Variants in RTN3 observed in about 807,000 individuals in gnomAD.
RTN3 encodes the protein reticulon 3, also known as reticulon-3.
Under a neutral mutation model 77.8 loss-of-function variants are expected in RTN3, and 49 were observed. That is an observed-to-expected ratio of 0.63 (90% confidence interval 0.50 to 0.80). The LOEUF (loss-of-function observed/expected upper bound fraction) is 0.80. Ranked by LOEUF, RTN3 falls within the 30% of genes least tolerant of loss-of-function variation. The pLI, the probability that RTN3 is intolerant of heterozygous loss-of-function variation, is 0.00. For synonymous variants in RTN3, 464 were observed against 446.9 expected (o/e 1.04, Z -0.48); for missense variants, 1,236 against 1,211.9 (o/e 1.02, Z -0.29).
rs201006467 is a variant in RTN3, at chr11:63,718,778, A to G, written c.276A>G (p.Ile92Met). The G allele has an allele frequency of 6.2e-6, 10 of 1,611,994 alleles. No individual in the cohort carries two copies. The East Asian group carries it at 2.2e-4, about 36-fold the overall frequency. ...CTTCCTTTCTTTCATCTTCTGAAAT[A>G]CATAACACTGGCCTTACAATACTAC... The part of the protein sequence containing the change: ...MTSSFLSSSE[I>M]HNTGLTILHG... Residue 92 changes from isoleucine to methionine, a missense_variant, in exon 3 of 9, where the codon ATA becomes ATG. By Grantham distance (10) the Ile-to-Met change is conservative. This residue lies in a region of RTN3 where 1,056 missense variants were observed against 990.4 expected (regional missense o/e 1.07). Coordinates refer to ENST00000377819, the MANE Select transcript of RTN3 (RefSeq NM_001265589.2).
At chr11:63,693,107 G>A (rs927008300) in intron 1 of RTN3, among the ~76,000 whole-genome samples, 1 of 152,078 alleles carries the variant, frequency 6.6e-6, no homozygotes, top group Non-Finnish European at 1.5e-5. Context: ...ACTAAAACAA[G>A]CCCTTGGCTC....
intron 1 of RTN3, among the ~76,000 whole-genome samples, chr11:63,694,800 A>G (rs1195905794): frequency 6.6e-6 from 1 of 152,156 alleles, no homozygotes; most frequent in African/African-American, 2.4e-5. Flanking sequence ...TGTTTCTGTC[A>G]GGCTTTCTAA....
intron 3 of RTN3, among the ~76,000 whole-genome samples, chr11:63,735,556 C>CTCTCTCTCT (rs2013041531): frequency 7.9e-6 from 1 of 125,938 alleles, no homozygotes; most frequent in African/African-American, 3.2e-5. Context: ...ACATTTCTCT[C>CTCTCTCTCT]TCTCTCTCTC....
At chr11:63,739,842 A>C (rs2013354752) in intron 3 of RTN3, among the ~76,000 whole-genome samples, 1 of 152,208 alleles carries the variant, frequency 6.6e-6, no homozygotes, top group African/African-American at 2.4e-5. Flanking sequence ...GACTTTAACC[A>C]GCCCTGATGT....
intron 1 of RTN3, among the ~76,000 whole-genome samples, chr11:63,696,524 A>T (rs1183350380): frequency 6.7e-6 from 1 of 149,760 alleles, no homozygotes; most frequent in Non-Finnish European, 1.5e-5. Flanking sequence ...CTTGGATAAC[A>T]TAGTGGGGCC....
rs566313784 is a variant in RTN3 at position 63,720,438 on chromosome 11, A to G, written c.1936A>G (p.Ile646Val). The change falls in exon 3 of 9, where the codon ATA becomes GTA. Residue 646 changes from isoleucine (I) to valine (V), a missense_variant. By Grantham distance (29) the Ile-to-Val change is conservative. Around this residue, in one of 3 missense-constraint regions of RTN3, gnomAD observed 1,056 missense variants for 990.4 expected, o/e 1.07. Transcript: ENST00000377819. Reference sequence around the variant, plus strand: ...ATTACATGGGAAAAATGTTAAACATATAGATGATTCCTCCCCAGAGGACCT... The same window carrying G: ...ATTACATGGGAAAAATGTTAAACATGTAGATGATTCCTCCCCAGAGGACCT... ...ESLHGKNVKH[I>V]DDSSPEDLIA... is the part of the protein sequence containing the mutation. 5.3e-5 allele frequency: 85 copies of G among 1,613,716 alleles called. No homozygotes were observed. The highest frequency in any genetic ancestry group is 3.6e-5 in the Non-Finnish European group (42 of 1,179,834).
Position 63,720,454 on chromosome 11 carries a change from C to G in RTN3, c.1952C>G (p.Pro651Arg). 4 of 1,613,038 alleles carry G rather than the reference C, an allele frequency of 2.5e-6. No individual in the cohort carries two copies. Among genetic ancestry groups the G allele is most frequent in the Non-Finnish European group, 3.4e-6 (4 of 1,179,414 alleles). Residue 651 changes from proline (P) to arginine (R), a missense_variant, in exon 3 of 9, where the codon CCA (proline) becomes CGA (arginine). This residue lies in a region of RTN3 where 1,056 missense variants were observed against 990.4 expected (regional missense o/e 1.07). Coordinates refer to ENST00000377819, the MANE Select transcript of RTN3 (RefSeq NM_001265589.2). The stretch of plus-strand genomic sequence containing the variant: ...GTTAAACATATAGATGATTCCTCCC[C>G]AGAGGACCTGATAGCAGCCTTTACA... ...KNVKHIDDSS[P>R]EDLIAAFTET...
In RTN3 at chr11:63,752,433, A is replaced by T. The variant is rs1040562729; in HGVS notation, c.2739-74A>T. 11 of 1,450,014 alleles carry T rather than the reference A, an allele frequency of 7.6e-6. No individual in the cohort carries two copies. The African/African-American group carries it at 1.5e-4, about 20-fold the overall frequency. 89.8% of individuals were successfully genotyped at this position (1,450,014 alleles called of 1,614,324 possible). On this transcript the variant is annotated intron_variant, in intron 4 of 8. Transcript: ENST00000377819. ...CATGCACCCTGGGAACCAATTTTAC[A>T]TTCTCAGTAACTACTGTGCTAACAA...
chr11:63,695,192 A>G (rs569704231), intron 1 of RTN3, among the ~76,000 whole-genome samples: 136 of 152,340 alleles, frequency 8.9e-4, no homozygotes, highest in Non-Finnish European at 1.6e-4. Context: ...GAGGGCTTTA[A>G]CCCTCAGGTG....
At chr11:63,723,714 C>T (rs1370205453) in intron 3 of RTN3, among the ~76,000 whole-genome samples, 2 of 152,174 alleles carry the variant, frequency 1.3e-5, no homozygotes, top group African/African-American at 4.8e-5. Context: ...AGGCCTGAGC[C>T]ACCACACACA....
At chr11:63,701,298 A>G (rs562923642) in intron 1 of RTN3, among the ~76,000 whole-genome samples, 34 of 152,156 alleles carry the variant, frequency 2.2e-4, no homozygotes, top group African/African-American at 7.2e-4. Flanking sequence ...TTGCCCTTTC[A>G]TACTGGTTTC....
chr11:63,695,142 G>A (rs1941873178), intron 1 of RTN3, among the ~76,000 whole-genome samples: 1 of 152,154 alleles, frequency 6.6e-6, no homozygotes. Flanking sequence ...TGTGATTTCT[G>A]CTATATGCTG....
chr11:63,684,335 A>C (rs1941253675), intron 1 of RTN3, among the ~76,000 whole-genome samples: 1 of 151,438 alleles, frequency 6.6e-6, no homozygotes, highest in Non-Finnish European at 1.5e-5. Context: ...TTTTAGTAGA[A>C]ACAGGGTTTC....
rs968723957 is a variant in RTN3 at position 63,714,659 on chromosome 11, C to A, written c.200-4043C>A. On this transcript the variant is annotated intron_variant, in intron 2 of 8. Transcript: ENST00000377819. The stretch of plus-strand genomic sequence containing the variant: ...TCCCAAGTGACTGGGACTACAGGCA[C>A]GTGCCACCATGCACGGCTAATTTTT... Among the ~76,000 whole-genome samples the A allele has an allele frequency of 2.6e-5, 4 of 151,296 alleles. No individual in the cohort carries two copies. The South Asian group carries it at 6.3e-4, about 24-fold the overall frequency.
chr11:63,690,333 T>G (rs969006898), intron 1 of RTN3, among the ~76,000 whole-genome samples: 3 of 152,244 alleles, frequency 2.0e-5, no homozygotes, highest in Admixed American at 2.0e-4. Context: ...ATTTGTGTAC[T>G]GCTTTATGAT....
chr11:63,738,212 G>A (rs2013256595), intron 3 of RTN3, among the ~76,000 whole-genome samples: 1 of 152,092 alleles, frequency 6.6e-6, no homozygotes, highest in Non-Finnish European at 1.5e-5. Context: ...TCCTTTTTGA[G>A]GTTATAAAAC....
At chr11:63,703,003 T>C (rs1389174627) in intron 1 of RTN3, among the ~76,000 whole-genome samples, 3 of 152,074 alleles carry the variant, frequency 2.0e-5, no homozygotes. Context: ...GCTTTTTGAG[T>C]TTAATTCGTA....
At position 63,753,138 on chromosome 11, in the gene RTN3, G is replaced by A; in HGVS notation, c.2947G>A (p.Ala983Thr). ...TAACGGAATCACCCTTCTAATTCTT[G>A]GTAAGGTGGCAAGGAGAATGTGCCC... ...VFNGITLLIL[A>T]ELLIFSVPIV... The change falls in exon 6 of 9, where the codon GCT becomes ACT. Residue 983 changes from alanine to threonine, a missense_variant and splice_region_variant. Physicochemically the swap from Ala to Thr is moderately conservative, Grantham distance 58. Transcript: ENST00000377819. The A allele has an allele frequency of 6.2e-7, 1 of 1,613,546 alleles. No homozygotes were observed. The highest frequency in any genetic ancestry group is 8.5e-7 in the Non-Finnish European group (1 of 1,179,572).
At chr11:63,681,460 TCG>T, upstream of RTN3, 1 of 587,870 alleles carries the variant, frequency 1.7e-6, no homozygotes. Context: ...GCATGCGCGC[TCG>T]CGCTCCCGCC....
Sources: gnomAD v4.1 joint callset for allele counts (sites outside exome capture counted in the v4.1 genomes callset) on GRCh38, gnomAD v4.1.1 for gene constraint, gnomAD v4.1.1 regional missense constraint, MANE v1.5 for transcripts, NCBI Gene and HGNC (gene_info 2026-07-23, HGNC 2026-07-21) for gene names.